CCDC73: variants seen among roughly 807,000 people sequenced by gnomAD.
CCDC73 encodes the protein coiled-coil domain containing 73, also known as coiled-coil domain-containing protein 73.
CCDC73 carries 95 observed loss-of-function variants against 116.5 expected under a neutral mutation model. The observed-to-expected ratio is 0.82, with a 90% CI of 0.69 to 0.97. The LOEUF is 0.97. Among genes scored for constraint, CCDC73 ranks in the 50% least tolerant of loss-of-function variants. The pLI, the probability that CCDC73 is intolerant of heterozygous loss-of-function variation, is 0.00. For missense variants in CCDC73, 1,066 were observed against 1,206.8 expected (o/e 0.88, Z 1.73); for synonymous variants, 398 against 401.3 (o/e 0.99, Z 0.10).
chr11:32,626,312 C>G (rs1855573107), intron 14 of CCDC73, among the ~76,000 whole-genome samples: 1 of 151,604 alleles, frequency 6.6e-6, no homozygotes, highest in African/African-American at 2.4e-5. Flanking sequence ...AACCACTGCT[C>G]AAGGAAATAA....
intron 13 of CCDC73, among the ~76,000 whole-genome samples, chr11:32,639,807 T>C (rs998096078): frequency 6.6e-6 from 1 of 152,054 alleles, no homozygotes; most frequent in Non-Finnish European, 1.5e-5. Flanking sequence ...TCACTTATTG[T>C]TTTTTTGTCT....
At chr11:32,707,658 G>A (rs7933841) in intron 3 of CCDC73, among the ~76,000 whole-genome samples, 115,087 of 152,006 alleles carry the variant, frequency 0.76, 43,732 homozygotes, top group East Asian at 0.94. Flanking sequence ...TAGCAAGGTC[G>A]TGAAAATTCC....
intron 2 of CCDC73, among the ~76,000 whole-genome samples, chr11:32,753,475 T>C (rs908821015): frequency 9.3e-5 from 14 of 151,324 alleles, no homozygotes; most frequent in African/African-American, 3.4e-4. Flanking sequence ...TTTGTTTTCT[T>C]TTTTTTTGAG....
intron 1 of CCDC73, among the ~76,000 whole-genome samples, chr11:32,776,485 T>G (rs11031975): frequency 0.1 from 15,403 of 152,142 alleles, 1,044 homozygotes; most frequent in Non-Finnish European, 0.15. Flanking sequence ...TCTATTACAC[T>G]TTCCTTACTG....
intron 3 of CCDC73, among the ~76,000 whole-genome samples, chr11:32,704,466 G>A (rs1306734748): frequency 1.3e-5 from 2 of 152,228 alleles, no homozygotes; most frequent in African/African-American, 4.8e-5. Context: ...GCTTCTGAAG[G>A]TGAAACTTAG....
At chr11:32,765,929 G>A (rs1481077222) in intron 1 of CCDC73, among the ~76,000 whole-genome samples, 1 of 152,144 alleles carries the variant, frequency 6.6e-6, no homozygotes, top group Non-Finnish European at 1.5e-5. Context: ...TCAATAGAAA[G>A]AGAGAGAATC....
At chr11:32,667,025 G>A (rs539700370) in intron 9 of CCDC73, among the ~76,000 whole-genome samples, 14 of 152,280 alleles carry the variant, frequency 9.2e-5, no homozygotes, top group East Asian at 3.9e-4. Flanking sequence ...TGGAAGCTTC[G>A]TCTCAGAGGG....
Position 32,708,421 on chromosome 11 carries a change from G to T in CCDC73, c.208-5477C>A, listed in dbSNP as rs536220461. 3.3e-5 allele frequency among the ~76,000 whole-genome samples: 5 copies of T among 152,108 alleles called. No homozygotes were observed. The South Asian group carries it at 1.0e-3, about 32-fold the overall frequency. ...TGGTTCCATATGAGTTTTAAAATTA[G>T]TTTTTCTAGTTCTGTGAAGAATAAT... is the stretch of plus-strand genomic sequence containing the variant. On this transcript the variant is annotated intron_variant, in intron 3 of 17. Coordinates refer to ENST00000335185, the MANE Select transcript of CCDC73 (RefSeq NM_001008391.4).
In CCDC73 at chr11:32,784,417, G is replaced by A. The variant is rs534044178; in HGVS notation, c.-16+10196C>T. On this transcript the variant is annotated intron_variant, in intron 1 of 17. Transcript: ENST00000335185. ...CACAGAATATTACAATAGTTCAGCT[G>A]TGAACCACATTTATGATTATGTTAT... 4.6e-5 allele frequency among the ~76,000 whole-genome samples: 7 copies of A among 152,158 alleles called. No individual in the cohort carries two copies. The South Asian group carries it at 6.2e-4, about 14-fold the overall frequency.
intron 6 of CCDC73, among the ~76,000 whole-genome samples, chr11:32,686,224 A>AC (rs1357780519): frequency 1.3e-5 from 2 of 150,932 alleles, no homozygotes; most frequent in South Asian, 2.1e-4. Context: ...AAAAAAAAAA[A>AC]AAAAAAACCA....
the CCDC73 span, chr11:32,830,533 T>C: frequency 4.4e-6 from 7 of 1,576,148 alleles, no homozygotes; most frequent in Non-Finnish European, 6.0e-6. Context: ...CCAGACTATG[T>C]TTACGCTTCT....
At chr11:32,800,376 A>G in the CCDC73 span, among the ~76,000 whole-genome samples, 1 of 152,112 alleles carries the variant, frequency 6.6e-6, no homozygotes, top group Admixed American at 6.6e-5. Flanking sequence ...GTGGACTATG[A>G]TCAAGCCACT....
intron 17 of CCDC73, among the ~76,000 whole-genome samples, chr11:32,608,313 T>C (rs1366896922): frequency 6.6e-6 from 1 of 152,190 alleles, no homozygotes; most frequent in African/African-American, 2.4e-5. Flanking sequence ...AGTCAGTTAC[T>C]TCCTAGATAC....
At chr11:32,826,857 C>CATT in the CCDC73 span, among the ~76,000 whole-genome samples, 1 of 151,924 alleles carries the variant, frequency 6.6e-6, no homozygotes, top group African/African-American at 2.4e-5. Context: ...AATATTATAA[C>CATT]ATTATTATTA....
At chr11:32,768,900 T>A (rs918989447) in intron 1 of CCDC73, among the ~76,000 whole-genome samples, 1 of 152,074 alleles carries the variant, frequency 6.6e-6, no homozygotes, top group Admixed American at 6.6e-5. Flanking sequence ...TAGAGAAATC[T>A]GCAAGATGTC....
chr11:32,822,425 C>T, the CCDC73 span, among the ~76,000 whole-genome samples: 2 of 152,150 alleles, frequency 1.3e-5, no homozygotes, highest in Non-Finnish European at 2.9e-5. Context: ...TCTGAGTCCA[C>T]AGTTGGTAAG....
intron 1 of CCDC73, among the ~76,000 whole-genome samples, chr11:32,782,821 T>C (rs1041686067): frequency 1.3e-5 from 2 of 151,944 alleles, no homozygotes; most frequent in African/African-American, 2.4e-5. Flanking sequence ...AAAATTAAGA[T>C]AGTGGAAATG....
At chr11:32,818,959 G>T in the CCDC73 span, among the ~76,000 whole-genome samples, 2 of 152,100 alleles carry the variant, frequency 1.3e-5, no homozygotes, top group Non-Finnish European at 2.9e-5. Context: ...TCTTTTGGGG[G>T]CCATGAAAAT....
chr11:32,743,914 G>C (rs1042484883), intron 2 of CCDC73, among the ~76,000 whole-genome samples: 1 of 152,162 alleles, frequency 6.6e-6, no homozygotes, highest in Non-Finnish European at 1.5e-5. Context: ...TCTCTTGCCT[G>C]ACTGCCGTGG....
Sources: gnomAD v4.1 joint callset for allele counts (sites outside exome capture counted in the v4.1 genomes callset) on GRCh38, gnomAD v4.1.1 for gene constraint, MANE v1.5 for transcripts, NCBI Gene and HGNC (gene_info 2026-07-23, HGNC 2026-07-21) for gene names.